Variants in NSD3 observed in about 807,000 individuals in gnomAD.
NSD3 encodes nuclear receptor binding SET domain protein 3.
NSD3 carries 24 observed loss-of-function variants against 160.8 expected under a neutral mutation model. That is an observed-to-expected ratio of 0.15 (90% CI 0.11 to 0.21). The LOEUF (loss-of-function observed/expected upper bound fraction) is 0.21, where lower values mean the gene tolerates loss of function less well. NSD3 is among the 10% of genes least tolerant of loss of function. NSD3 has a pLI of 1.00. For missense variants in NSD3, 1,157 were observed against 1,735.9 expected, an observed-to-expected ratio of 0.67 and a Z score of 5.93; for synonymous variants, 520 against 600.0, an observed-to-expected ratio of 0.87 and a Z score of 1.95.
intron 16 of NSD3, among the ~76,000 whole-genome samples, chr8:38,295,074 C>T (rs12386951): frequency 1.3e-5 from 2 of 148,740 alleles, no homozygotes; most frequent in East Asian, 4.0e-4. Context: ...AACCCGGGAG[C>T]CGGAGCTTGC....
intron 1 of NSD3, among the ~76,000 whole-genome samples, chr8:38,373,370 G>A (rs1811305794): frequency 6.6e-6 from 1 of 151,928 alleles, no homozygotes; most frequent in South Asian, 2.1e-4. Flanking sequence ...TTACAGGCGT[G>A]TGCCACCACG....
intron 19 of NSD3, among the ~76,000 whole-genome samples, chr8:38,285,906 C>T (rs117171893): frequency 2.0e-3 from 297 of 152,264 alleles, no homozygotes; most frequent in Non-Finnish European, 3.6e-3. Context: ...TTCTCCTGGG[C>T]GACTCTAATG....
At chr8:38,377,153 A>G (rs1325245649) in intron 1 of NSD3, among the ~76,000 whole-genome samples, 3 of 152,114 alleles carry the variant, frequency 2.0e-5, no homozygotes, top group Non-Finnish European at 2.9e-5. Context: ...CCTGGGTTCA[A>G]GCGATTGGCC....
chr8:38,331,258 C>T (rs1420327183), intron 5 of NSD3, among the ~76,000 whole-genome samples, 173 bp downstream of exon 5: 3 of 152,062 alleles, frequency 2.0e-5, no homozygotes, highest in African/African-American at 7.2e-5. Flanking sequence ...ACATATAAAA[C>T]TCATTGGTGT....
rs575749748 is a variant in NSD3 at position 38,297,350 on chromosome 8, G to A, written c.2759-1398C>T. ...GTATTTCTAATATGTATTTCAATAC[G>A]TGACAGCGAATGTTAACCACTGAAG... is the stretch of plus-strand genomic sequence containing the variant. On this transcript the variant is annotated intron_variant, in intron 15 of 23. Coordinates refer to ENST00000317025, the MANE Select transcript of NSD3 (RefSeq NM_023034.2). Among the ~76,000 whole-genome samples, 9 of 152,258 alleles carry A rather than the reference G, an allele frequency of 5.9e-5. No homozygotes were observed. In the East Asian group the frequency reaches 1.2e-3, roughly 20 times the overall value.
At chr8:38,378,364 G>A (rs187427313) in intron 1 of NSD3, among the ~76,000 whole-genome samples, 2 of 152,146 alleles carry the variant, frequency 1.3e-5, no homozygotes, top group East Asian at 1.9e-4. Context: ...AAAATTGGCC[G>A]GGCACGGTGG....
At chr8:38,292,444 C>G (rs1300635623) in intron 16 of NSD3, among the ~76,000 whole-genome samples, 1 of 151,672 alleles carries the variant, frequency 6.6e-6, no homozygotes, top group Non-Finnish European at 1.5e-5. Flanking sequence ...GTCAGGAGTT[C>G]AAGACCAGCC....
chr8:38,368,823 T>G (rs1448264883), intron 1 of NSD3, among the ~76,000 whole-genome samples: 1 of 152,218 alleles, frequency 6.6e-6, no homozygotes, highest in East Asian at 1.9e-4. Flanking sequence ...CAATGAAAAT[T>G]ACTACAAACA....
Position 38,321,110 on chromosome 8 carries a change from TG to T in NSD3, c.1770del (p.Thr591LeufsTer22). ...ATCTTCTTCTTTGGCACAACCTCAG[TG>T]GATTTCTCTGATTCAGAACGAGTTC... Reference protein sequence around the residue: ...SIRTRSESEKSTEVVPKKKIK... With the variant: ...SIRTRSESEKXTEVVPKKKIK... On this transcript the variant is annotated frameshift_variant, in exon 8 of 24. Transcript: ENST00000317025. LOFTEE classifies it high-confidence loss of function. This position sits in a 1 kb window ranked among gnomAD's most constrained non-coding sequence, Gnocchi z 4.7. The T allele has an allele frequency of 6.2e-7, 1 of 1,613,560 alleles. No individual in the cohort carries two copies. Among genetic ancestry groups the T allele is most frequent in the Non-Finnish European group, 8.5e-7 (1 of 1,179,892 alleles).
rs1425781888 is a variant in NSD3, at chr8:38,338,439, G to A, written c.747+97C>T. On this transcript the variant is annotated intron_variant, in intron 3 of 23. Transcript: ENST00000317025. ...ATTTCAATATAATTTCTGAAATTAA[G>A]AAGCGTAGTACCAATACAATTGTGT... 8 of 928,546 alleles carry A rather than the reference G, an allele frequency of 8.6e-6. No homozygotes were observed. In the East Asian group the frequency reaches 9.8e-5, roughly 11 times the overall value. 57.5% of individuals were successfully genotyped at this position (928,546 alleles called of 1,614,324 possible).
intron 1 of NSD3, among the ~76,000 whole-genome samples, chr8:38,351,980 C>T (rs1810714464): frequency 6.6e-6 from 1 of 151,012 alleles, no homozygotes; most frequent in South Asian, 2.1e-4. Flanking sequence ...ACGTAACAAA[C>T]CTGCACATTG....
At position 38,347,968 on chromosome 8, in the gene NSD3, T is replaced by C. The variant is rs746649053; in HGVS notation, c.204A>G (p.Pro68=). Residue 68 remains proline, a synonymous_variant, in exon 2 of 24, where the codon CCA becomes CCG. Transcript: ENST00000317025. ...QYPATTEDLP[P]LTNGYPSSIS... is the part of the protein sequence containing the mutation. Reference sequence around the variant, plus strand: ...TTGATGATGGATACCCATTTGTGAGTGGAGGAAGATCTTCTGTTGTAGCTG... The same window carrying C: ...TTGATGATGGATACCCATTTGTGAGCGGAGGAAGATCTTCTGTTGTAGCTG... The C allele has an allele frequency of 1.2e-6, 2 of 1,614,050 alleles. No individual in the cohort carries two copies. Among genetic ancestry groups the C allele is most frequent in the Non-Finnish European group, 1.7e-6 (2 of 1,180,032 alleles).
At chr8:38,359,610 A>G (rs897446935) in intron 1 of NSD3, among the ~76,000 whole-genome samples, 2 of 152,220 alleles carry the variant, frequency 1.3e-5, no homozygotes, top group Non-Finnish European at 2.9e-5. Flanking sequence ...TTTGTCTTTT[A>G]TTCACTGAAA....
chr8:38,296,451 G>A (rs1037355525), intron 15 of NSD3, among the ~76,000 whole-genome samples: 2 of 152,074 alleles, frequency 1.3e-5, no homozygotes, highest in Non-Finnish European at 2.9e-5. Flanking sequence ...AGGTTGATCA[G>A]TACTTTTTTC....
At chr8:38,376,821 C>T (rs900654424) in intron 1 of NSD3, among the ~76,000 whole-genome samples, 1 of 152,216 alleles carries the variant, frequency 6.6e-6, no homozygotes, top group African/African-American at 2.4e-5. Context: ...CCAGACTTCA[C>T]TTCCATAGGC....
At chr8:38,292,583 C>A (rs565493150) in intron 16 of NSD3, among the ~76,000 whole-genome samples, 2 of 151,858 alleles carry the variant, frequency 1.3e-5, no homozygotes, top group East Asian at 3.9e-4. Flanking sequence ...GAGATCGAGA[C>A]CATCCTGGCC....
chr8:38,327,348 A>G (rs1399596475), intron 6 of NSD3, among the ~76,000 whole-genome samples: 1 of 151,182 alleles, frequency 6.6e-6, no homozygotes, highest in African/African-American at 2.4e-5. Context: ...TAGCCACCGC[A>G]CCCGGCCAAA....
intron 1 of NSD3, among the ~76,000 whole-genome samples, chr8:38,365,340 T>A (rs1173295400): frequency 6.6e-6 from 1 of 152,204 alleles, no homozygotes; most frequent in Non-Finnish European, 1.5e-5. Flanking sequence ...ACTAACTATG[T>A]ACCAGACCCT....
chr8:38,340,407 G>A (rs1222784574), intron 2 of NSD3, among the ~76,000 whole-genome samples: 3 of 152,162 alleles, frequency 2.0e-5, no homozygotes, highest in Admixed American at 2.0e-4. Context: ...GCGCCATCTC[G>A]GCTCATTGCA....
Sources: gnomAD v4.1 joint callset for allele counts (sites outside exome capture counted in the v4.1 genomes callset) on GRCh38, gnomAD v4.1.1 for gene constraint, Gnocchi (gnomAD v3.1) non-coding constraint, MANE v1.5 for transcripts, NCBI Gene and HGNC (gene_info 2026-07-23, HGNC 2026-07-21) for gene names.